Variants in THSD4 observed in about 807,000 individuals in gnomAD.
The protein encoded by THSD4 is thrombospondin type-1 domain-containing protein 4.
THSD4 carries 69 observed loss-of-function variants against 119.0 expected under a neutral mutation model. The observed-to-expected ratio is 0.58, with a 90% CI of 0.48 to 0.71. THSD4 has a LOEUF of 0.71. THSD4 is among the 30% of genes least tolerant of loss of function. The pLI is 0.00. For synonymous variants in THSD4, 524 were observed against 540.4 expected, an observed-to-expected ratio of 0.97 and a Z score of 0.42; for missense variants, 1,393 against 1,391.1, an observed-to-expected ratio of 1.00 and a Z score of -0.02.
In THSD4 at chr15:71,411,830, GC is replaced by G; in HGVS notation, c.1152+12del. ...TGTGTCTGGGCAGTGCAAGGTAAGT[GC>G]CCCCGAACTGGGGTGAATTCTTAAG... is the stretch of plus-strand genomic sequence containing the variant. On this transcript the variant is annotated splice_region_variant and intron_variant, in intron 7 of 17. Coordinates refer to ENST00000261862, the MANE Select transcript of THSD4 (RefSeq NM_024817.3). 1 of 1,613,754 alleles carries G rather than the reference GC, an allele frequency of 6.2e-7. No homozygotes were observed. The highest frequency in any genetic ancestry group is 8.5e-7 in the Non-Finnish European group (1 of 1,179,816).
At chr15:71,663,289 G>A (rs2051350240) in intron 8 of THSD4, among the ~76,000 whole-genome samples, 1 of 151,970 alleles carries the variant, frequency 6.6e-6, no homozygotes, top group Non-Finnish European at 1.5e-5. Flanking sequence ...ATGGAGAGGT[G>A]ATTCAAAAAG....
At chr15:71,589,069 TAGC>T (rs1214031904) in intron 7 of THSD4, among the ~76,000 whole-genome samples, 1 of 152,134 alleles carries the variant, frequency 6.6e-6, no homozygotes, top group Non-Finnish European at 1.5e-5. Flanking sequence ...TGATTTAAAA[TAGC>T]AGTTTTACAA....
chr15:71,474,810 A>G (rs944653683), intron 7 of THSD4, among the ~76,000 whole-genome samples: 7 of 152,098 alleles, frequency 4.6e-5, no homozygotes, highest in Non-Finnish European at 7.4e-5. Context: ...TGCTTTCTCT[A>G]CTTGACCATC....
chr15:71,721,976 C>CAAA (rs3086728), intron 8 of THSD4, among the ~76,000 whole-genome samples: 44,058 of 141,478 alleles, frequency 0.31, 8,349 homozygotes, highest in East Asian at 0.64. Flanking sequence ...GTCCCTGTCT[C>CAAA]AAAAAAAAAA....
chr15:71,155,924 A>G (rs529447557), intron 3 of THSD4, among the ~76,000 whole-genome samples: 2 of 152,228 alleles, frequency 1.3e-5, no homozygotes, highest in South Asian at 4.2e-4. Flanking sequence ...GCAGTCCCCA[A>G]AGGCCAGCCT....
At position 71,773,211 on chromosome 15, in the gene THSD4, A is replaced by G. The variant is rs368718613; in HGVS notation, c.2914+2003A>G. On this transcript the variant is annotated intron_variant, in intron 17 of 17. Transcript: ENST00000261862. ...GTGAGACCATGTCTCAAAAAAAAAA[A>G]AAAAGAAAAAGAAAAAAGAAAAGAA... Among the ~76,000 whole-genome samples the G allele has an allele frequency of 4.1e-3, 595 of 143,978 alleles. 20 individuals are homozygous for G. The highest frequency in any genetic ancestry group is 6.9e-3 in the Middle Eastern group (2 of 288). The allele number at this position is 143,978 out of a possible 152,430, so 94.5% of individuals were successfully genotyped here.
intron 7 of THSD4, among the ~76,000 whole-genome samples, chr15:71,568,493 C>T (rs1470246032): frequency 6.6e-6 from 1 of 151,522 alleles, no homozygotes; most frequent in Non-Finnish European, 1.5e-5. Flanking sequence ...ACAAGTAAAA[C>T]AGAAAAATAA....
chr15:71,750,409 G>GTAA (rs1375326094), intron 14 of THSD4, among the ~76,000 whole-genome samples: 3 of 152,178 alleles, frequency 2.0e-5, no homozygotes, highest in African/African-American at 7.2e-5. Flanking sequence ...CCTCTGCGGT[G>GTAA]TAAGATGCCC....
intron 5 of THSD4, among the ~76,000 whole-genome samples, chr15:71,245,397 C>T (rs898236213): frequency 2.6e-5 from 4 of 152,272 alleles, no homozygotes; most frequent in African/African-American, 9.6e-5. Context: ...CTTTAAAATT[C>T]CCTCTTTCAG....
At chr15:71,528,634 T>A (rs2048563398) in intron 7 of THSD4, among the ~76,000 whole-genome samples, 1 of 152,210 alleles carries the variant, frequency 6.6e-6, no homozygotes, top group Non-Finnish European at 1.5e-5. Flanking sequence ...TTTCCTTGCC[T>A]CCCTGCATCC....
chr15:71,331,314 A>G (rs2045418038), intron 6 of THSD4, among the ~76,000 whole-genome samples: 1 of 152,160 alleles, frequency 6.6e-6, no homozygotes, highest in Non-Finnish European at 1.5e-5. Flanking sequence ...GGATACATGA[A>G]TGCCTGGTTT....
At chr15:71,387,607 G>C (rs1187619751) in intron 6 of THSD4, among the ~76,000 whole-genome samples, 1 of 152,188 alleles carries the variant, frequency 6.6e-6, no homozygotes, top group African/African-American at 2.4e-5. Context: ...CCTGATATCT[G>C]TCTTACTTTC....
intron 1 of THSD4, among the ~76,000 whole-genome samples, chr15:71,104,755 C>T (rs1445624223): frequency 2.0e-5 from 3 of 152,032 alleles, no homozygotes; most frequent in African/African-American, 4.8e-5. Flanking sequence ...AGGTTATAGG[C>T]GGATTCAGAG....
intron 7 of THSD4, among the ~76,000 whole-genome samples, chr15:71,492,710 T>A (rs2047940264): frequency 6.6e-6 from 1 of 152,112 alleles, no homozygotes; most frequent in Non-Finnish European, 1.5e-5. Flanking sequence ...CTCTTTCCCT[T>A]TGTGTCCCAG....
At chr15:71,546,882 C>T (rs1314576788) in intron 7 of THSD4, among the ~76,000 whole-genome samples, 1 of 152,202 alleles carries the variant, frequency 6.6e-6, no homozygotes, top group African/African-American at 2.4e-5. Flanking sequence ...AAATAAACTG[C>T]AGCCCAGAGC....
chr15:71,465,843 G>T (rs1269030808), intron 7 of THSD4, among the ~76,000 whole-genome samples: 1 of 152,178 alleles, frequency 6.6e-6, no homozygotes, highest in Non-Finnish European at 1.5e-5. Flanking sequence ...GCAAATAAGA[G>T]AATGCCTATT....
At chr15:71,352,297 ATC>A (rs1283837417) in intron 6 of THSD4, among the ~76,000 whole-genome samples, 1 of 152,178 alleles carries the variant, frequency 6.6e-6, no homozygotes, top group Non-Finnish European at 1.5e-5. Flanking sequence ...TTGATGATGG[ATC>A]CACAAAGCAA....
intron 7 of THSD4, among the ~76,000 whole-genome samples, chr15:71,500,761 A>T (rs532226598): frequency 1.3e-5 from 2 of 152,264 alleles, no homozygotes; most frequent in African/African-American, 4.8e-5. Context: ...TAACCTTGGC[A>T]CCCTTGTGGA....
In THSD4 at chr15:71,657,131, G is replaced by A. The variant is rs543141664; in HGVS notation, c.1153-3399G>A. On this transcript the variant is annotated intron_variant, in intron 7 of 17. Coordinates refer to ENST00000261862, the MANE Select transcript of THSD4 (RefSeq NM_024817.3). The stretch of plus-strand genomic sequence containing the variant: ...AGCATGCAAGCGTTCCTCATGGCCT[G>A]ATAGCTTGTGATTCTCTATGTGTAT... 4.6e-5 allele frequency among the ~76,000 whole-genome samples: 7 copies of A among 152,294 alleles called. No individual in the cohort carries two copies. In the South Asian group the frequency reaches 1.2e-3, roughly 27 times the overall value.
Sources: allele counts gnomAD v4.1 joint callset (sites outside exome capture counted in the v4.1 genomes callset), GRCh38; gene constraint gnomAD v4.1.1; transcripts MANE v1.5; gene names NCBI Gene and HGNC (gene_info 2026-07-23, HGNC 2026-07-21).